Variants in KCNK13 observed in about 807,000 individuals in gnomAD.
KCNK13 encodes the protein potassium channel subfamily K member 13.
KCNK13 carries 12 observed loss-of-function variants against 23.4 expected under a neutral mutation model. The observed-to-expected ratio is 0.51, with a 90% CI of 0.33 to 0.83. KCNK13 has a LOEUF of 0.83. Among genes scored for constraint, KCNK13 ranks in the 40% least tolerant of loss-of-function variants. KCNK13 has a pLI of 0.02. For synonymous variants in KCNK13, 231 were observed against 229.5 expected (o/e 1.01, Z -0.06); for missense variants, 463 against 556.3 (o/e 0.83, Z 1.69).
At chr14:90,085,649 G>A (rs1490120153) in intron 1 of KCNK13, among the ~76,000 whole-genome samples, 1 of 145,156 alleles carries the variant, frequency 6.9e-6, no homozygotes, top group Non-Finnish European at 1.5e-5. Context: ...GACAGAGTGA[G>A]ACTCTGTCTC....
chr14:90,118,911 G>C (rs1266094076), intron 1 of KCNK13, among the ~76,000 whole-genome samples: 1 of 152,020 alleles, frequency 6.6e-6, no homozygotes, highest in East Asian at 1.9e-4. Context: ...TAATAAAGAA[G>C]AAAAGAGAGA....
chr14:90,114,247 G>A (rs772458358), intron 1 of KCNK13, among the ~76,000 whole-genome samples: 10 of 152,026 alleles, frequency 6.6e-5, no homozygotes, highest in Non-Finnish European at 1.3e-4. Context: ...CCCTCCCCAC[G>A]TATCTATACT....
At chr14:90,124,765 G>C (rs1276732706) in intron 1 of KCNK13, among the ~76,000 whole-genome samples, 1 of 152,242 alleles carries the variant, frequency 6.6e-6, no homozygotes, top group African/African-American at 2.4e-5. Flanking sequence ...GAGATTATAA[G>C]TGTATGTTGT....
chr14:90,098,645 T>C (rs1484207212), intron 1 of KCNK13, among the ~76,000 whole-genome samples: 1 of 150,168 alleles, frequency 6.7e-6, no homozygotes, highest in Non-Finnish European at 1.5e-5. Flanking sequence ...AGAGTGAGAC[T>C]CGGTCTCCAA....
At chr14:90,129,446 T>C (rs1056460095) in intron 1 of KCNK13, among the ~76,000 whole-genome samples, 2 of 152,114 alleles carry the variant, frequency 1.3e-5, no homozygotes, top group African/African-American at 4.8e-5. Flanking sequence ...GTACTTCTGA[T>C]TCACTGGGTC....
chr14:90,092,067 GCC>G lies in KCNK13; in HGVS notation c.334+29530_334+29531del, dbSNP rs1889353122. On this transcript the variant is annotated intron_variant, in intron 1 of 1. Transcript: ENST00000282146. ...CTCCCGAGTAGCTGGGACTACAGGTGCCCGCCACCACACCTGGCTAATTTTTT... is the reference window on the plus strand; with the variant it reads ...CTCCCGAGTAGCTGGGACTACAGGTGCGCCACCACACCTGGCTAATTTTTT... 9.2e-5 allele frequency among the ~76,000 whole-genome samples: 14 copies of G among 151,748 alleles called. No homozygotes were observed. In the South Asian group the frequency reaches 2.1e-3, roughly 23 times the overall value.
At chr14:90,179,805 T>G (rs1366522549) in intron 1 of KCNK13, among the ~76,000 whole-genome samples, 1 of 152,220 alleles carries the variant, frequency 6.6e-6, no homozygotes, top group Non-Finnish European at 1.5e-5. Context: ...ATAACAGCTT[T>G]TAAACTGATG....
At chr14:90,178,231 C>CAAAAAGAA (rs1890444894) in intron 1 of KCNK13, among the ~76,000 whole-genome samples, 1 of 75,068 alleles carries the variant, frequency 1.3e-5, no homozygotes, top group African/African-American at 4.5e-5. Context: ...TTCCTAAAAG[C>CAAAAAGAA]AAAAAAAAAA....
At chr14:90,173,386 G>T (rs1890386823) in intron 1 of KCNK13, among the ~76,000 whole-genome samples, 1 of 152,104 alleles carries the variant, frequency 6.6e-6, no homozygotes, top group African/African-American at 2.4e-5. Context: ...TGAAGAATAT[G>T]AACTGAAGCT....
At position 90,104,791 on chromosome 14, in the gene KCNK13, C is replaced by CTTTT. The variant is rs66511223; in HGVS notation, c.334+42267_334+42270dup. Among the ~76,000 whole-genome samples, 8 of 113,498 alleles carry CTTTT rather than the reference C, an allele frequency of 7.0e-5. 1 individual carries two copies. The highest frequency in any genetic ancestry group is 4.8e-3 in the Middle Eastern group (1 of 210). 74.5% of individuals were successfully genotyped at this position (113,498 alleles called of 152,430 possible). A position where few individuals can be genotyped will look rare whatever the true frequency, so the allele number is the denominator to read the frequency against. ...GGGATCAGCTACTTTCTTTTCTTTT[C>CTTTT]TTTTTTTTTTTTTTTTTTGAGAGAG... On this transcript the variant is annotated intron_variant, in intron 1 of 1. Transcript: ENST00000282146.
At chr14:90,134,565 G>T (rs1889912896) in intron 1 of KCNK13, among the ~76,000 whole-genome samples, 1 of 152,158 alleles carries the variant, frequency 6.6e-6, no homozygotes. Flanking sequence ...AGACTGAATG[G>T]AAACACGTCA....
chr14:90,062,472 C>T lies in KCNK13; in HGVS notation c.267C>T (p.Asp89=). 1.3e-6 allele frequency: 2 copies of T among 1,544,224 alleles called. No homozygotes were observed. Among genetic ancestry groups the T allele is most frequent in the Middle Eastern group, 2.2e-4 (1 of 4,508 alleles). ...EEATRAGIRV[D]NVRPRWDFTG... ...CCACTCGGGCCGGCATCCGCGTGGA[C>T]AACGTCCGCCCGCGCTGGGACTTCA... is the stretch of plus-strand genomic sequence containing the variant. Residue 89 remains aspartate (D), a synonymous_variant, in exon 1 of 2, where the codon GAC becomes GAT. Coordinates refer to ENST00000282146, the MANE Select transcript of KCNK13 (RefSeq NM_022054.4). The surrounding 1 kb of genome is among the most constrained non-coding windows in gnomAD (Gnocchi z 4.5).
At chr14:90,181,774 C>G (rs554776421) in intron 1 of KCNK13, among the ~76,000 whole-genome samples, 1 of 152,166 alleles carries the variant, frequency 6.6e-6, no homozygotes, top group Non-Finnish European at 1.5e-5. Flanking sequence ...GGACCCTCCC[C>G]CAGCCCACAC....
Position 90,126,024 on chromosome 14 carries a change from A to T in KCNK13, c.335-58087A>T, listed in dbSNP as rs61996876. Among the ~76,000 whole-genome samples, 52 of 6,452 alleles carry T rather than the reference A, an allele frequency of 8.1e-3. No individual in the cohort carries two copies. In the East Asian group the frequency reaches 0.16, roughly 20 times the overall value. The allele number at this position is 6,452 out of a possible 152,430, so 4.2% of individuals were successfully genotyped here. ...TGGGCAACATAGTGAGACGCTATTT[A>T]AAAAAAAAAAAAAGTGGAATTGGAG... On this transcript the variant is annotated intron_variant, in intron 1 of 1. Coordinates refer to ENST00000282146, the MANE Select transcript of KCNK13 (RefSeq NM_022054.4).
intron 1 of KCNK13, among the ~76,000 whole-genome samples, chr14:90,110,449 C>T (rs936456570): frequency 4.6e-5 from 7 of 151,176 alleles, no homozygotes; most frequent in Non-Finnish European, 8.8e-5. Context: ...CACAGCACTC[C>T]AGCCTGGGCG....
At chr14:90,139,922 A>G (rs1289268558) in intron 1 of KCNK13, among the ~76,000 whole-genome samples, 1 of 152,182 alleles carries the variant, frequency 6.6e-6, no homozygotes, top group African/African-American at 2.4e-5. Context: ...AGATCACACC[A>G]CTGCCCTCCA....
Position 90,078,574 on chromosome 14 carries a change from A to AAG in KCNK13, c.334+16048_334+16049dup, listed in dbSNP as rs537271592. On this transcript the variant is annotated intron_variant, in intron 1 of 1. Coordinates refer to ENST00000282146, the MANE Select transcript of KCNK13 (RefSeq NM_022054.4). The stretch of plus-strand genomic sequence containing the variant: ...TGTAGTTGTGCAGAAAGAAGGAAGG[A>AAG]AGAGAGAGAGAGAGGGAGAAAAGAG... Among the ~76,000 whole-genome samples, 1,038 of 150,294 alleles carry AAG rather than the reference A, an allele frequency of 6.9e-3. 11 individuals carry two copies. The highest frequency in any genetic ancestry group is 0.024 in the African/African-American group (988 of 41,124).
intron 1 of KCNK13, among the ~76,000 whole-genome samples, chr14:90,064,830 C>G (rs1888989439): frequency 6.6e-6 from 1 of 152,158 alleles, no homozygotes; most frequent in South Asian, 2.1e-4. Flanking sequence ...GTTGTAATAA[C>G]AGCACTGGCT....
intron 1 of KCNK13, among the ~76,000 whole-genome samples, chr14:90,170,781 CAGAT>C (rs1439254035): frequency 1.3e-5 from 2 of 152,210 alleles, no homozygotes; most frequent in East Asian, 1.9e-4. Context: ...CATTTTCTGT[CAGAT>C]AGCATAGACA....
Sources: allele counts gnomAD v4.1 joint callset (sites outside exome capture counted in the v4.1 genomes callset), GRCh38; gene constraint gnomAD v4.1.1; non-coding constraint Gnocchi (gnomAD v3.1); transcripts MANE v1.5; gene names NCBI Gene and HGNC (gene_info 2026-07-23, HGNC 2026-07-21).